Variants in SNTG1 observed in about 807,000 individuals in gnomAD.
SNTG1 encodes gamma-1-syntrophin.
Under a neutral mutation model 74.7 loss-of-function variants are expected in SNTG1, and 39 were observed. That is an observed-to-expected ratio of 0.52 (90% CI 0.40 to 0.68). The LOEUF is 0.68. Ranked by LOEUF, SNTG1 falls within the 30% of genes least tolerant of loss-of-function variation. The probability of loss-of-function intolerance (pLI) is 0.00; values close to 1 mark genes in which losing one functional copy is unlikely to be tolerated. For missense variants in SNTG1, 685 were observed against 609.5 expected (o/e 1.12, Z -1.30); for synonymous variants, 254 against 217.1 (o/e 1.17, Z -1.49).
chr8:50,583,411 A>G (rs567045530), intron 12 of SNTG1, among the ~76,000 whole-genome samples: 142 of 151,756 alleles, frequency 9.4e-4, no homozygotes, highest in Admixed American at 4.1e-3. Flanking sequence ...AAAAAAAAAA[A>G]AAAGAAAGAA....
At chr8:49,999,192 C>T (rs1443998325) in intron 1 of SNTG1, among the ~76,000 whole-genome samples, 1 of 152,128 alleles carries the variant, frequency 6.6e-6, no homozygotes, top group Non-Finnish European at 1.5e-5. Context: ...ATATCCAAAC[C>T]TAATACTTGA....
chr8:50,108,923 C>A (rs2080481455), intron 1 of SNTG1, among the ~76,000 whole-genome samples: 1 of 152,106 alleles, frequency 6.6e-6, no homozygotes, highest in Non-Finnish European at 1.5e-5. Flanking sequence ...CTGTCTGGAG[C>A]AATCTTAGCA....
intron 1 of SNTG1, among the ~76,000 whole-genome samples, chr8:50,171,042 T>C (rs1298688028): frequency 6.6e-6 from 1 of 152,124 alleles, no homozygotes; most frequent in East Asian, 1.9e-4. Context: ...ATTTGGGAGA[T>C]GACAGCTACA....
chr8:50,384,743 G>T (rs995031894), intron 2 of SNTG1, among the ~76,000 whole-genome samples: 2 of 152,154 alleles, frequency 1.3e-5, no homozygotes, highest in Non-Finnish European at 2.9e-5. Context: ...TGAGACCATA[G>T]GTGTGGGCTA....
chr8:50,107,637 G>A lies in SNTG1; in HGVS notation c.-102-64924G>A, dbSNP rs561747646. Among the ~76,000 whole-genome samples, 4 of 151,890 alleles carry A rather than the reference G, an allele frequency of 2.6e-5. No homozygotes were observed. The East Asian group carries it at 7.8e-4, about 29-fold the overall frequency. The stretch of plus-strand genomic sequence containing the variant: ...ATGATCTTGGCTCACTGAAACCTCT[G>A]CTTCCTAGGTTCAAGCAATTCTCCT... On this transcript the variant is annotated intron_variant, in intron 1 of 18. Transcript: ENST00000642720.
At chr8:50,583,646 A>G (rs1318422824) in intron 12 of SNTG1, among the ~76,000 whole-genome samples, 1 of 151,934 alleles carries the variant, frequency 6.6e-6, no homozygotes, top group East Asian at 1.9e-4. Context: ...TTTTTGCTGG[A>G]AGTCTCTATA....
chr8:50,281,315 C>T (rs550721789), intron 2 of SNTG1, among the ~76,000 whole-genome samples: 4 of 152,236 alleles, frequency 2.6e-5, no homozygotes, highest in African/African-American at 4.8e-5. Flanking sequence ...CCTCACTTCC[C>T]ATCATGGCCT....
intron 15 of SNTG1, among the ~76,000 whole-genome samples, chr8:50,692,607 G>C (rs889771010): frequency 1.3e-5 from 2 of 152,136 alleles, no homozygotes; most frequent in Non-Finnish European, 2.9e-5. Flanking sequence ...TCGTTCCTCT[G>C]GAAGTTTTGT....
At chr8:50,187,205 C>A (rs2083415837) in intron 2 of SNTG1, among the ~76,000 whole-genome samples, 1 of 152,150 alleles carries the variant, frequency 6.6e-6, no homozygotes, top group East Asian at 1.9e-4. Context: ...GATCATATAG[C>A]CAAGACAATC....
chr8:50,792,954 C>A lies in SNTG1; in HGVS notation c.*125C>A. 3 of 1,130,458 alleles carry A rather than the reference C, an allele frequency of 2.7e-6. No individual in the cohort carries two copies. The highest frequency in any genetic ancestry group is 3.6e-6 in the Non-Finnish European group (3 of 828,914). 70.0% of individuals were successfully genotyped at this position (1,130,458 alleles called of 1,614,324 possible). A position where few individuals can be genotyped will look rare whatever the true frequency, so the allele number is the denominator to read the frequency against. On this transcript the variant is annotated 3_prime_UTR_variant, in exon 19 of 19. Transcript: ENST00000642720. The stretch of plus-strand genomic sequence containing the variant: ...CAGTGGAGGCAAATCAAAATTTCGG[C>A]AGAAAAAGAAGGTCATGTGGAACCT...
chr8:50,074,188 C>T (rs575075831), intron 1 of SNTG1, among the ~76,000 whole-genome samples: 1 of 152,208 alleles, frequency 6.6e-6, no homozygotes, highest in South Asian at 2.1e-4. Flanking sequence ...TTCTAGATAA[C>T]TTGTTACTTT....
intron 4 of SNTG1, among the ~76,000 whole-genome samples, chr8:50,407,558 T>C (rs1419583870): frequency 1.3e-5 from 2 of 152,212 alleles, no homozygotes; most frequent in East Asian, 3.8e-4. Flanking sequence ...GTCTATCACA[T>C]TAGCTGAAAG....
chr8:50,488,777 TGTA>T (rs2093822216), intron 8 of SNTG1, among the ~76,000 whole-genome samples: 1 of 151,716 alleles, frequency 6.6e-6, no homozygotes, highest in Non-Finnish European at 1.5e-5. Context: ...ATAAATGTAA[TGTA>T]GTCTTTTTTT....
At position 50,045,965 on chromosome 8, in the gene SNTG1, A is replaced by G. The variant is rs75477941; in HGVS notation, c.-102-126596A>G. Reference sequence around the variant, plus strand: ...TTAGCAAATTTTTCTTTAAATGGCCAAAGAGTAGAGTTCAGGCTTTGAAGA... The same window carrying G: ...TTAGCAAATTTTTCTTTAAATGGCCGAAGAGTAGAGTTCAGGCTTTGAAGA... On this transcript the variant is annotated intron_variant, in intron 1 of 18. Coordinates refer to ENST00000642720, the MANE Select transcript of SNTG1 (RefSeq NM_018967.5). Among the ~76,000 whole-genome samples, 5 of 152,330 alleles carry G rather than the reference A, an allele frequency of 3.3e-5. No homozygotes were observed. The East Asian group carries it at 9.7e-4, about 29-fold the overall frequency.
rs148804843 is a variant in SNTG1, at chr8:50,545,813, G to A, written c.681-7237G>A. On this transcript the variant is annotated intron_variant, in intron 11 of 18. Coordinates refer to ENST00000642720, the MANE Select transcript of SNTG1 (RefSeq NM_018967.5). ...TTCAGATGGTGACAGGTTTGGCACT[G>A]GTGGATGAAATTTAGTATCTAAACA... 1.5e-3 allele frequency among the ~76,000 whole-genome samples: 224 copies of A among 152,222 alleles called. 1 individual carries two copies. Among genetic ancestry groups the A allele is most frequent in the African/African-American group, 5.2e-3 (216 of 41,548 alleles).
At chr8:50,418,764 A>T (rs2093044919) in intron 4 of SNTG1, among the ~76,000 whole-genome samples, 1 of 151,994 alleles carries the variant, frequency 6.6e-6, no homozygotes, top group Admixed American at 6.6e-5. Context: ...TCCCTTCACA[A>T]CGTTTCCTAT....
At chr8:50,682,763 C>T (rs1244170029) in intron 15 of SNTG1, among the ~76,000 whole-genome samples, 1 of 152,130 alleles carries the variant, frequency 6.6e-6, no homozygotes, top group African/African-American at 2.4e-5. Flanking sequence ...TCAGGCATGC[C>T]CTATCTGCTC....
At chr8:50,337,259 C>T (rs1190139078) in intron 2 of SNTG1, among the ~76,000 whole-genome samples, 2 of 152,152 alleles carry the variant, frequency 1.3e-5, no homozygotes, top group South Asian at 2.1e-4. Flanking sequence ...ATACAGGGAA[C>T]CACAGCTTAC....
intron 9 of SNTG1, among the ~76,000 whole-genome samples, chr8:50,505,232 T>G (rs1247612372): frequency 1.3e-5 from 2 of 152,162 alleles, no homozygotes; most frequent in Non-Finnish European, 2.9e-5. Context: ...TATTCAGCCC[T>G]CAAACAGTGA....
Sources: allele counts gnomAD v4.1 joint callset (sites outside exome capture counted in the v4.1 genomes callset), GRCh38; gene constraint gnomAD v4.1.1; transcripts MANE v1.5; gene names NCBI Gene and HGNC (gene_info 2026-07-23, HGNC 2026-07-21).